The following ZNF608 variants were observed in gnomAD, a reference collection of about 807,000 sequenced individuals.
The protein encoded by ZNF608 is zinc finger protein 608.
ZNF608 carries 12 observed loss-of-function variants against 109.0 expected under a neutral mutation model. That is an observed-to-expected ratio of 0.11 (90% CI 0.07 to 0.18). The LOEUF (loss-of-function observed/expected upper bound fraction) is 0.18, where lower values mean the gene tolerates loss of function less well. ZNF608 is among the 10% of genes least tolerant of loss of function. ZNF608 has a pLI of 1.00. For missense variants in ZNF608, 1,707 were observed against 1,879.3 expected, an observed-to-expected ratio of 0.91 and a Z score of 1.70; for synonymous variants, 732 against 717.4, an observed-to-expected ratio of 1.02 and a Z score of -0.33.
intron 2 of ZNF608, among the ~76,000 whole-genome samples, chr5:124,729,648 T>A (rs533943717): frequency 2.6e-5 from 4 of 152,240 alleles, no homozygotes. Flanking sequence ...AGTATATATA[T>A]CTATGTGTGT....
At chr5:124,688,312 C>G (rs954100337) in intron 3 of ZNF608, among the ~76,000 whole-genome samples, 4 of 152,136 alleles carry the variant, frequency 2.6e-5, no homozygotes, top group African/African-American at 7.2e-5. Context: ...GCCGTGTGGT[C>G]TCTTGGGAGC....
intron 3 of ZNF608, among the ~76,000 whole-genome samples, chr5:124,656,650 T>C (rs1751021729): frequency 6.6e-6 from 1 of 152,170 alleles, no homozygotes; most frequent in South Asian, 2.1e-4. Context: ...TGTTCTACTC[T>C]GCATTTTAAA....
chr5:124,702,115 CA>C (rs1303227382), intron 2 of ZNF608, among the ~76,000 whole-genome samples: 5 of 152,182 alleles, frequency 3.3e-5, no homozygotes, highest in Admixed American at 6.5e-5. Context: ...TTCTTCATCA[CA>C]AAAAGTTTAA....
In ZNF608 at chr5:124,744,921, G is replaced by A. The variant is rs759032964; in HGVS notation, c.69C>T (p.Gly23=). ...DPNTVDTYDS[G]DDWEIGVGNL... is the part of the protein sequence containing the mutation. Reference sequence around the variant, plus strand: ...TTCCAACCCCGATTTCCCAATCATCGCCACTGTCATAAGTATCAACTGTAT... The same window carrying A: ...TTCCAACCCCGATTTCCCAATCATCACCACTGTCATAAGTATCAACTGTAT... Residue 23 remains glycine (G), a synonymous_variant, in exon 2 of 10, where the codon GGC becomes GGT. Coordinates refer to ENST00000513986, the MANE Select transcript of ZNF608 (RefSeq NM_020747.3). The surrounding 1 kb of genome is among the most constrained non-coding windows in gnomAD (Gnocchi z 4.5). 3.7e-6 allele frequency: 6 copies of A among 1,613,978 alleles called. No individual in the cohort carries two copies. The highest frequency in any genetic ancestry group is 1.3e-5 in the African/African-American group (1 of 74,956).
At chr5:124,704,131 A>G (rs928736336) in intron 2 of ZNF608, among the ~76,000 whole-genome samples, 7 of 152,234 alleles carry the variant, frequency 4.6e-5, no homozygotes, top group Non-Finnish European at 4.4e-5. Flanking sequence ...TGAGAAAGCT[A>G]AGGTTCAGAG....
intron 3 of ZNF608, among the ~76,000 whole-genome samples, chr5:124,694,229 C>G (rs1379837225): frequency 1.1e-4 from 16 of 145,680 alleles, no homozygotes; most frequent in African/African-American, 2.3e-4. Context: ...TCCTGACCTC[C>G]TGATCCGCCC....
At chr5:124,672,774 C>A (rs1420523506) in intron 3 of ZNF608, among the ~76,000 whole-genome samples, 2 of 152,174 alleles carry the variant, frequency 1.3e-5, no homozygotes, top group South Asian at 2.1e-4. Flanking sequence ...GAAGGAACAG[C>A]CTTTTGATGT....
intron 3 of ZNF608, among the ~76,000 whole-genome samples, chr5:124,680,601 G>A (rs2149824370): frequency 6.6e-6 from 1 of 152,250 alleles, no homozygotes; most frequent in East Asian, 1.9e-4. Context: ...TTTCAAACTA[G>A]CTTCTCAGCG....
intron 7 of ZNF608, among the ~76,000 whole-genome samples, chr5:124,641,867 G>A (rs893407917): frequency 2.0e-5 from 3 of 152,104 alleles, no homozygotes; most frequent in African/African-American, 7.2e-5. Context: ...ATGCTCTAAA[G>A]TTATATGCCA....
Position 124,648,041 on chromosome 5 carries a change from C to A in ZNF608, c.2343G>T (p.Lys781Asn), listed in dbSNP as rs1580534976. 6.2e-7 allele frequency: 1 copy of A among 1,613,952 alleles called. No homozygotes were observed. The change falls in exon 5 of 10, where the codon AAG becomes AAT. Residue 781 changes from lysine to asparagine, a missense_variant. By Grantham distance (94) the Lys-to-Asn change is moderately conservative (BLOSUM62 0). Coordinates refer to ENST00000513986, the MANE Select transcript of ZNF608 (RefSeq NM_020747.3). ...GTTGAATGGGTTTTAACGGAGGACT[C>A]TTTGGTGTAGCCTGAACAACAGTTG... ...LTTTVVQATPKSPPLKPIQPK... is the reference protein window; with the variant it reads ...LTTTVVQATPNSPPLKPIQPK...
intron 2 of ZNF608, chr5:124,734,996 T>C (rs1022990152): frequency 1.3e-5 from 2 of 152,216 alleles, no homozygotes; most frequent in South Asian, 4.1e-4. Context: ...GGGGCAACCA[T>C]AGTTGCTTTG....
intron 2 of ZNF608, among the ~76,000 whole-genome samples, chr5:124,736,597 T>C (rs1749163481): frequency 6.6e-6 from 1 of 152,218 alleles, no homozygotes; most frequent in South Asian, 2.1e-4. Flanking sequence ...AAAAAGTACA[T>C]TTCCTCCAGC....
intron 2 of ZNF608, among the ~76,000 whole-genome samples, chr5:124,737,498 T>TG (rs1749205128): frequency 6.6e-6 from 1 of 152,192 alleles, no homozygotes; most frequent in South Asian, 2.1e-4. Context: ...TTCCTTTGAG[T>TG]TCTTTATTAC....
upstream of ZNF608, among the ~76,000 whole-genome samples, chr5:124,747,168 C>CT (rs375960252): frequency 0.04 from 5,394 of 135,682 alleles, 99 homozygotes; most frequent in African/African-American, 0.048. Flanking sequence ...TTTTTGTTTT[C>CT]TTTTTTTTTT....
intron 3 of ZNF608, among the ~76,000 whole-genome samples, chr5:124,685,799 C>T (rs1752389610): frequency 6.6e-6 from 1 of 152,164 alleles, no homozygotes; most frequent in Non-Finnish European, 1.5e-5. Flanking sequence ...ACTAGAGCCA[C>T]AGACCTCTGT....
intron 2 of ZNF608, chr5:124,710,118 G>A (rs1473438790): frequency 2.3e-6 from 1 of 426,796 alleles, no homozygotes; most frequent in South Asian, 1.7e-5. Context: ...GTCCTTGTGT[G>A]ACCCTTATTT....
chr5:124,705,836 T>C (rs1753236887), intron 2 of ZNF608, among the ~76,000 whole-genome samples: 1 of 152,190 alleles, frequency 6.6e-6, no homozygotes, highest in Non-Finnish European at 1.5e-5. Flanking sequence ...CTCCTCCTCC[T>C]AATCTCTAGT....
chr5:124,682,666 T>A (rs970712324), intron 3 of ZNF608, among the ~76,000 whole-genome samples: 4 of 152,234 alleles, frequency 2.6e-5, no homozygotes, highest in African/African-American at 9.6e-5. Context: ...AATTCTGGCA[T>A]GACAGTTGAT....
chr5:124,668,214 A>AT (rs1184646586), intron 3 of ZNF608, among the ~76,000 whole-genome samples: 1 of 139,784 alleles, frequency 7.2e-6, no homozygotes, highest in Non-Finnish European at 1.6e-5. Context: ...ATATATATAT[A>AT]TATTATATAT....
Sources: allele counts gnomAD v4.1 joint callset (sites outside exome capture counted in the v4.1 genomes callset), GRCh38; gene constraint gnomAD v4.1.1; non-coding constraint Gnocchi (gnomAD v3.1); transcripts MANE v1.5; gene names NCBI Gene and HGNC (gene_info 2026-07-23, HGNC 2026-07-21).